WWOX: variants seen among roughly 807,000 people sequenced by gnomAD.
WWOX encodes WW domain containing oxidoreductase.
Under a neutral mutation model 46.2 loss-of-function variants are expected in WWOX, and 69 were observed. The observed-to-expected ratio is 1.49, with a 90% CI of 1.23 to 1.82. The LOEUF (loss-of-function observed/expected upper bound fraction) is 1.82. WWOX is among the 40% of genes most tolerant of loss of function. WWOX has a pLI of 0.00. For synonymous variants in WWOX, 359 were observed against 202.6 expected, an observed-to-expected ratio of 1.77 and a Z score of -6.56; for missense variants, 919 against 542.6, an observed-to-expected ratio of 1.69 and a Z score of -6.89.
intron 8 of WWOX, among the ~76,000 whole-genome samples, chr16:78,659,590 C>A (rs550849551): frequency 6.6e-6 from 1 of 152,170 alleles, no homozygotes; most frequent in Admixed American, 6.5e-5. Context: ...TCAAATGTTT[C>A]CAAAGTGCAC....
chr16:78,689,723 C>T (rs8055602), intron 8 of WWOX, among the ~76,000 whole-genome samples: 2,649 of 152,300 alleles, frequency 0.017, 80 homozygotes, highest in African/African-American at 0.06. Flanking sequence ...CTATAAATCT[C>T]CAGCTGTCTT....
At chr16:78,644,694 C>G (rs1597388462) in intron 8 of WWOX, among the ~76,000 whole-genome samples, 3 of 152,314 alleles carry the variant, frequency 2.0e-5, no homozygotes, top group East Asian at 3.9e-4. Flanking sequence ...AACTCCTGAA[C>G]TCAAGTGATC....
intron 8 of WWOX, among the ~76,000 whole-genome samples, chr16:78,948,059 G>C (rs1451864347): frequency 1.3e-5 from 2 of 152,234 alleles, no homozygotes; most frequent in South Asian, 2.1e-4. Flanking sequence ...AAAGAAGGCA[G>C]CCTGTGCCGT....
intron 8 of WWOX, among the ~76,000 whole-genome samples, chr16:78,978,296 G>C (rs1260691383): frequency 6.6e-6 from 1 of 152,210 alleles, no homozygotes; most frequent in African/African-American, 2.4e-5. Context: ...CCATGCTGCT[G>C]TGAATAATTG....
chr16:78,872,903 T>G (rs1337729289), intron 8 of WWOX: 1 of 152,318 alleles, frequency 6.6e-6, no homozygotes, highest in Non-Finnish European at 1.5e-5. Context: ...GCTCAAGCAG[T>G]CCTCCCATGT....
chr16:78,657,046 C>T (rs1271236111), intron 8 of WWOX, among the ~76,000 whole-genome samples: 3 of 152,166 alleles, frequency 2.0e-5, no homozygotes, highest in East Asian at 1.9e-4. Context: ...AATGCAGCCC[C>T]TTGTAGGGCT....
At chr16:78,333,158 C>A (rs1407109389) in intron 5 of WWOX, among the ~76,000 whole-genome samples, 1 of 147,516 alleles carries the variant, frequency 6.8e-6, no homozygotes, top group Non-Finnish European at 1.5e-5. Flanking sequence ...TCAGGCGATT[C>A]TCCTGCCTCA....
intron 8 of WWOX, among the ~76,000 whole-genome samples, chr16:78,881,081 T>C (rs191099057): frequency 6.7e-6 from 1 of 149,018 alleles, no homozygotes; most frequent in East Asian, 2.0e-4. Context: ...AACCTTTGCC[T>C]CCTGGGCGCA....
chr16:79,211,043 GT>G (rs1567624025), intron 8 of WWOX, among the ~76,000 whole-genome samples: 6 of 151,782 alleles, frequency 4.0e-5, no homozygotes, highest in African/African-American at 1.5e-4. Flanking sequence ...GAGTGTGTGT[GT>G]GTGTGTGTGT....
intron 8 of WWOX, among the ~76,000 whole-genome samples, chr16:79,155,311 G>C (rs1035243167): frequency 6.6e-6 from 1 of 152,186 alleles, no homozygotes; most frequent in African/African-American, 2.4e-5. Flanking sequence ...GGGAGGAAGA[G>C]GTTGCAGTGA....
intron 8 of WWOX, among the ~76,000 whole-genome samples, chr16:79,092,657 G>A (rs142281586): frequency 3.7e-4 from 57 of 152,326 alleles, no homozygotes; most frequent in African/African-American, 1.4e-3. Flanking sequence ...TTGGCGAGGA[G>A]TGAATTGTGA....
chr16:78,442,577 C>T (rs1032258095), intron 8 of WWOX, among the ~76,000 whole-genome samples: 7 of 152,160 alleles, frequency 4.6e-5, no homozygotes, highest in South Asian at 2.1e-4. Context: ...GCTTATTTTA[C>T]GATAAATTGA....
chr16:78,534,945 C>A (rs375915145), intron 8 of WWOX, among the ~76,000 whole-genome samples: 1 of 152,120 alleles, frequency 6.6e-6, no homozygotes, highest in East Asian at 1.9e-4. Context: ...ATGTCCTTAC[C>A]TCATGATCTG....
intron 8 of WWOX, among the ~76,000 whole-genome samples, chr16:79,108,465 G>C (rs375492351): frequency 4.6e-5 from 7 of 152,364 alleles, no homozygotes; most frequent in African/African-American, 1.7e-4. Flanking sequence ...AAGATTGCAA[G>C]GTGCAGGTAT....
At position 78,275,118 on chromosome 16, in the gene WWOX, C is replaced by G. The variant is rs545038732; in HGVS notation, c.516+110829C>G. 2.0e-5 allele frequency among the ~76,000 whole-genome samples: 3 copies of G among 152,298 alleles called. No individual in the cohort carries two copies. The East Asian group carries it at 5.8e-4, about 29-fold the overall frequency. On this transcript the variant is annotated intron_variant, in intron 5 of 8. Transcript: ENST00000566780. ...CTGAGACTTGGCTCTTGCCTTTATG[C>G]TTTAAGGATCCTAAAGAGAAGATGT...
intron 8 of WWOX, among the ~76,000 whole-genome samples, chr16:78,434,502 G>C (rs1236060898): frequency 6.6e-6 from 1 of 152,212 alleles, no homozygotes; most frequent in Non-Finnish European, 1.5e-5. Context: ...ATTTAAATGA[G>C]GCATTTAGGA....
At chr16:78,936,476 C>A (rs904059318) in intron 8 of WWOX, among the ~76,000 whole-genome samples, 1 of 152,076 alleles carries the variant, frequency 6.6e-6, no homozygotes, top group African/African-American at 2.4e-5. Context: ...TAAATAGGTA[C>A]ATAAGTGCTT....
intron 8 of WWOX, among the ~76,000 whole-genome samples, chr16:79,138,303 G>A (rs2050022432): frequency 6.6e-6 from 1 of 152,228 alleles, no homozygotes; most frequent in Admixed American, 6.5e-5. Context: ...ATCCTTTTGT[G>A]TGGAGAGGAT....
At chr16:78,332,738 C>G (rs2080790713) in intron 5 of WWOX, among the ~76,000 whole-genome samples, 2 of 152,222 alleles carry the variant, frequency 1.3e-5, no homozygotes, top group East Asian at 3.9e-4. Context: ...CTGAGGATCA[C>G]TGAGTGTGCC....
Sources: allele counts gnomAD v4.1 joint callset (sites outside exome capture counted in the v4.1 genomes callset), GRCh38; gene constraint gnomAD v4.1.1; transcripts MANE v1.5; gene names NCBI Gene and HGNC (gene_info 2026-07-23, HGNC 2026-07-21).